Variants in ZFTRAF1 observed in about 807,000 individuals in gnomAD.
ZFTRAF1 encodes the protein zinc finger TRAF-type and ring finger containing 1.
the ZFTRAF1 span, chr8:144,457,517 T>C: frequency 6.6e-6 from 1 of 152,098 alleles, no homozygotes; most frequent in African/African-American, 2.4e-5. Context: ...CCTCTGCAGA[T>C]GCTGATACAC....
the ZFTRAF1 span, chr8:144,454,253 C>A: frequency 6.6e-6 from 1 of 152,298 alleles, no homozygotes; most frequent in African/African-American, 2.4e-5. Context: ...AAGCCTCGAG[C>A]GTCCACTTGG....
At chr8:144,459,107 GA>G in the ZFTRAF1 span, among the ~76,000 whole-genome samples, 1 of 152,240 alleles carries the variant, frequency 6.6e-6, no homozygotes, top group African/African-American at 2.4e-5. Flanking sequence ...TGGAGGGAGA[GA>G]AGTCAGGGAT....
chr8:144,452,381 G>A, the ZFTRAF1 span: 2 of 1,549,866 alleles, frequency 1.3e-6, no homozygotes, highest in Non-Finnish European at 1.7e-6. Context: ...TCTTCTCGAA[G>A]CTGAGCAGGC....
the ZFTRAF1 span, chr8:144,453,143 C>T: frequency 1.5e-6 from 2 of 1,314,626 alleles, no homozygotes; most frequent in South Asian, 2.7e-5. Flanking sequence ...CCACCCTGCA[C>T]AGGGCCCTGC....
At chr8:144,454,225 C>G in the ZFTRAF1 span, 1 of 152,334 alleles carries the variant, frequency 6.6e-6, no homozygotes, top group African/African-American at 2.4e-5. Flanking sequence ...CCTATCCTGG[C>G]TCTCACTCCC....
the ZFTRAF1 span, chr8:144,453,541 AGCCAGGT>A: frequency 2.3e-6 from 3 of 1,311,838 alleles, no homozygotes; most frequent in Non-Finnish European, 3.1e-6. Context: ...CATCAGCTCC[AGCCAGGT>A]GTCCTGAGGG....
At chr8:144,461,806 G>C in the ZFTRAF1 span, among the ~76,000 whole-genome samples, 1 of 152,190 alleles carries the variant, frequency 6.6e-6, no homozygotes, top group African/African-American at 2.4e-5. Flanking sequence ...AGGATGTTCA[G>C]GAGTGGAGGG....
At chr8:144,450,305 C>T in the ZFTRAF1 span, 1 of 666,336 alleles carries the variant, frequency 1.5e-6, no homozygotes, top group Non-Finnish European at 2.8e-6. Context: ...TGTGAAGCAG[C>T]TGCCAGCCAG....
chr8:144,460,090 T>C, the ZFTRAF1 span, among the ~76,000 whole-genome samples: 2 of 152,254 alleles, frequency 1.3e-5, no homozygotes, highest in South Asian at 4.1e-4. Flanking sequence ...AGGTCTGTGT[T>C]GACCTTCCAG....
the ZFTRAF1 span, among the ~76,000 whole-genome samples, chr8:144,458,951 GC>G: frequency 6.6e-6 from 1 of 152,242 alleles, no homozygotes; most frequent in African/African-American, 2.4e-5. Context: ...CCTTAAGAAT[GC>G]CCCATGAGGG....
the ZFTRAF1 span, among the ~76,000 whole-genome samples, chr8:144,461,486 C>G: frequency 2.0e-5 from 3 of 152,184 alleles, no homozygotes; most frequent in African/African-American, 4.8e-5. Context: ...TGCTTAAGGG[C>G]TGAGTCCCAC....
At chr8:144,461,243 A>G in the ZFTRAF1 span, among the ~76,000 whole-genome samples, 2 of 152,234 alleles carry the variant, frequency 1.3e-5, no homozygotes, top group Admixed American at 1.3e-4. Context: ...ATTCAAACAC[A>G]AGCAGGGAAA....
chr8:144,452,434 G>A, the ZFTRAF1 span: 1 of 1,549,994 alleles, frequency 6.5e-7, no homozygotes, highest in Non-Finnish European at 8.7e-7. Context: ...CGGTGGCTCT[G>A]GTCCATCCCA....
chr8:144,450,347 C>T, the ZFTRAF1 span: 21 of 703,302 alleles, frequency 3.0e-5, no homozygotes, highest in South Asian at 2.2e-4. Context: ...GGATGCCGCC[C>T]GTGGGCTCCT....
the ZFTRAF1 span, among the ~76,000 whole-genome samples, chr8:144,459,102 G>A: frequency 1.3e-5 from 2 of 152,246 alleles, no homozygotes; most frequent in African/African-American, 4.8e-5. Context: ...CAAAATGGAG[G>A]GAGAGAAGTC....
the ZFTRAF1 span, chr8:144,451,030 C>G: frequency 1.1e-5 from 5 of 463,364 alleles, no homozygotes; most frequent in Non-Finnish European, 2.0e-5. Flanking sequence ...TCAGGCCACA[C>G]CCCAGGCGTG....
the ZFTRAF1 span, among the ~76,000 whole-genome samples, chr8:144,460,410 G>C: frequency 1.3e-5 from 2 of 152,254 alleles, no homozygotes; most frequent in African/African-American, 4.8e-5. Flanking sequence ...CCATCACTCT[G>C]TGCCGGGCCA....
At chr8:144,453,093 A>G in the ZFTRAF1 span, 22 of 816,280 alleles carry the variant, frequency 2.7e-5, no homozygotes, top group Non-Finnish European at 1.9e-6. Flanking sequence ...ACTGGGCTAC[A>G]CAGGTGGTCC....
chr8:144,451,503 C>T, the ZFTRAF1 span: 1 of 153,750 alleles, frequency 6.5e-6, no homozygotes, highest in Admixed American at 6.4e-5. Context: ...ACCCCAGGCC[C>T]TCGGCCTCTC....
Sources: gnomAD v4.1 joint callset for allele counts (sites outside exome capture counted in the v4.1 genomes callset) on GRCh38, gnomAD v4.1.1 for gene constraint, MANE v1.5 for transcripts, NCBI Gene and HGNC (gene_info 2026-07-23, HGNC 2026-07-21) for gene names.